Variants in CFAP92 observed in about 807,000 individuals in gnomAD.
CFAP92 encodes the protein uncharacterized protein CFAP92.
CFAP92 carries 86 observed loss-of-function variants against 106.3 expected under a neutral mutation model. That is an observed-to-expected ratio of 0.81 (90% CI 0.68 to 0.97). CFAP92 has a LOEUF of 0.97. Ranked by LOEUF, CFAP92 falls within the 50% of genes least tolerant of loss-of-function variation. The pLI, the probability that CFAP92 is intolerant of heterozygous loss-of-function variation, is 0.00. For missense variants in CFAP92, 1,204 were observed against 1,283.8 expected (o/e 0.94, Z 0.95); for synonymous variants, 477 against 506.4 (o/e 0.94, Z 0.78).
intron 4 of CFAP92, among the ~76,000 whole-genome samples, chr3:128,987,385 G>C (rs1334975734): frequency 6.6e-6 from 1 of 151,750 alleles, no homozygotes; most frequent in East Asian, 1.9e-4. Context: ...GCCCTGGAAT[G>C]AAAGGGCCCA....
At chr3:128,989,175 C>T (rs1944052686) in intron 2 of CFAP92, among the ~76,000 whole-genome samples, 1 of 151,652 alleles carries the variant, frequency 6.6e-6, no homozygotes, top group Non-Finnish European at 1.5e-5. Flanking sequence ...GGTTAGTAGG[C>T]CTAGGGTTAA....
At chr3:128,964,733 G>A (rs571872764) in intron 9 of CFAP92, among the ~76,000 whole-genome samples, 2 of 151,818 alleles carry the variant, frequency 1.3e-5, no homozygotes, top group South Asian at 2.1e-4. Flanking sequence ...CATTCTATAC[G>A]ACAAATGTTT....
At chr3:128,913,162 G>A (rs966810699) in intron 15 of CFAP92, 79 of 414,014 alleles carry the variant, frequency 1.9e-4, no homozygotes, top group African/African-American at 1.4e-3. Flanking sequence ...GCCTTTAATG[G>A]GTGACAGCAG....
chr3:128,984,532 C>G (rs1032246017), intron 4 of CFAP92, among the ~76,000 whole-genome samples: 1 of 152,192 alleles, frequency 6.6e-6, no homozygotes, highest in Admixed American at 6.5e-5. Context: ...TGCCGGGGGG[C>G]TCTCAGGCCT....
At chr3:128,992,909 G>A in intron 2 of CFAP92, 134 bp downstream of exon 2, 2 of 999,460 alleles carry the variant, frequency 2.0e-6, no homozygotes, top group South Asian at 1.5e-5. Flanking sequence ...CTCTGCTCCT[G>A]GCTGGCACTG....
the CFAP92 span, among the ~76,000 whole-genome samples, chr3:129,010,947 G>C: frequency 1.3e-5 from 2 of 152,214 alleles, no homozygotes; most frequent in Non-Finnish European, 2.9e-5. This position sits in a 1 kb window ranked among gnomAD's most constrained non-coding sequence, Gnocchi z 4.3. Context: ...TTGATTCCTG[G>C]CTCTTCAACA....
At chr3:129,010,040 G>GT in the CFAP92 span, among the ~76,000 whole-genome samples, 2 of 152,236 alleles carry the variant, frequency 1.3e-5, no homozygotes, top group Admixed American at 1.3e-4. This position sits in a 1 kb window ranked among gnomAD's most constrained non-coding sequence, Gnocchi z 4.3. Flanking sequence ...TTGGCACACA[G>GT]TAAGATGTGT....
At chr3:128,976,899 A>C (rs910143453) in intron 6 of CFAP92, 80 bp downstream of exon 6, 4 of 1,149,774 alleles carry the variant, frequency 3.5e-6, no homozygotes, top group East Asian at 2.4e-5. Context: ...GGATTTACTA[A>C]AAAACCTACC....
At chr3:128,975,652 TCTTA>T in intron 7 of CFAP92, 123 bp downstream of exon 7, 1 of 830,126 alleles carries the variant, frequency 1.2e-6, no homozygotes, top group South Asian at 1.9e-5. Flanking sequence ...TATACAGTAC[TCTTA>T]CTTTTGAGAA....
chr3:129,024,352 T>C, the CFAP92 span, among the ~76,000 whole-genome samples: 2 of 151,980 alleles, frequency 1.3e-5, no homozygotes, highest in African/African-American at 4.8e-5. Context: ...GCCAACATGG[T>C]AAAACCCTTT....
upstream of CFAP92, among the ~76,000 whole-genome samples, chr3:129,006,247 C>T (rs777275255): frequency 4.6e-5 from 7 of 152,318 alleles, no homozygotes; most frequent in East Asian, 1.2e-3. Context: ...ATCTGCTGAT[C>T]GGGCATAAGA....
chr3:129,002,279 G>A, intron 1 of CFAP92: 1 of 1,529,594 alleles, frequency 6.5e-7, no homozygotes, highest in Non-Finnish European at 8.7e-7. Context: ...TGGAGGACCT[G>A]CGCGCCGCGC....
At chr3:128,987,100 G>A (rs765905586) in intron 4 of CFAP92, among the ~76,000 whole-genome samples, 1 of 152,182 alleles carries the variant, frequency 6.6e-6, no homozygotes, top group Non-Finnish European at 1.5e-5. Context: ...GGCAGAGGTT[G>A]CAGTGAGCCG....
At chr3:128,948,037 C>T (rs76322561) in intron 9 of CFAP92, among the ~76,000 whole-genome samples, 6,027 of 151,976 alleles carry the variant, frequency 0.04, 311 homozygotes, top group African/African-American at 0.11. Context: ...CTGCAAAAGA[C>T]ACTGTAAAGA....
Position 128,987,763 on chromosome 3 carries a change from C to A in CFAP92, c.520G>T (p.Val174Leu), listed in dbSNP as rs777179020. 3.1e-6 allele frequency: 5 copies of A among 1,613,934 alleles called. No individual in the cohort carries two copies. In the South Asian group the frequency reaches 5.5e-5, roughly 18 times the overall value. Residue 174 changes from valine to leucine, a missense_variant, in exon 4 of 16, where the codon GTG (valine) becomes TTG (leucine). Transcript: ENST00000645291. ...ATTTTCTTTAATAATTCCTTTGTCACAGTGATATTAAAAGTCTGCTCCCAC... is the reference window on the plus strand; with the variant it reads ...ATTTTCTTTAATAATTCCTTTGTCAAAGTGATATTAAAAGTCTGCTCCCAC... Reference protein sequence around the residue: ...VSWEQTFNITVTKELLKKINF... With the variant: ...VSWEQTFNITLTKELLKKINF...
chr3:128,991,360 G>C (rs1175609903), intron 2 of CFAP92: 2 of 152,344 alleles, frequency 1.3e-5, no homozygotes, highest in African/African-American at 4.8e-5. Context: ...CACCCAACCA[G>C]TCGGCCTCCA....
At chr3:128,987,373 C>G in intron 4 of CFAP92, among the ~76,000 whole-genome samples, 1 of 151,780 alleles carries the variant, frequency 6.6e-6, no homozygotes, top group East Asian at 1.9e-4. Context: ...TGTGTCAGAG[C>G]TGCCCTGGAA....
At chr3:129,001,514 A>G in intron 1 of CFAP92, 1 of 1,326,656 alleles carries the variant, frequency 7.5e-7, no homozygotes, top group Non-Finnish European at 9.6e-7. Context: ...GCGCCGCTCC[A>G]ACCAGACCGC....
intron 11 of CFAP92, among the ~76,000 whole-genome samples, chr3:128,934,245 G>A (rs1273279540): frequency 1.3e-5 from 2 of 152,358 alleles, no homozygotes; most frequent in South Asian, 2.1e-4. Context: ...TGAGGGAATG[G>A]TGAGACCCTG....
Sources: gnomAD v4.1 joint callset for allele counts (sites outside exome capture counted in the v4.1 genomes callset) on GRCh38, gnomAD v4.1.1 for gene constraint, Gnocchi (gnomAD v3.1) non-coding constraint, MANE v1.5 for transcripts, NCBI Gene and HGNC (gene_info 2026-07-23, HGNC 2026-07-21) for gene names.